Variants in GSE1 observed in about 807,000 individuals in gnomAD.
GSE1 encodes Gse1 coiled-coil protein, also known as genetic suppressor element 1.
GSE1 carries 32 observed loss-of-function variants against 112.6 expected under a neutral mutation model. The observed-to-expected ratio is 0.28, with a 90% CI of 0.21 to 0.38. The LOEUF (loss-of-function observed/expected upper bound fraction) is 0.38. Ranked by LOEUF, GSE1 falls within the 10% of genes least tolerant of loss-of-function variation. The probability of loss-of-function intolerance (pLI) is 1.00; values close to 1 mark genes in which losing one functional copy is unlikely to be tolerated. For missense variants in GSE1, 2,348 were observed against 1,699.2 expected (o/e 1.38, Z -6.71); for synonymous variants, 1,115 against 735.6 (o/e 1.52, Z -8.35).
chr16:85,601,999 G>A (rs2047487307), intron 1 of GSE1, among the ~76,000 whole-genome samples: 1 of 152,246 alleles, frequency 6.6e-6, no homozygotes, highest in African/African-American at 2.4e-5. Context: ...AGGCGGCGGG[G>A]AGGGAGAGGG....
At chr16:85,624,077 G>A (rs955941461) in intron 1 of GSE1, among the ~76,000 whole-genome samples, 6 of 152,176 alleles carry the variant, frequency 3.9e-5, no homozygotes, top group East Asian at 1.9e-4. Context: ...CCTGCATTTC[G>A]TGGGTCCTTG....
At chr16:85,585,372 T>C (rs1171514884) in intron 1 of GSE1, among the ~76,000 whole-genome samples, 2 of 152,140 alleles carry the variant, frequency 1.3e-5, no homozygotes, top group East Asian at 3.9e-4. Context: ...GGTTCTTCTG[T>C]ATGGCAGCCG....
intron 2 of GSE1, among the ~76,000 whole-genome samples, chr16:85,472,102 C>T (rs1433828283): frequency 6.6e-6 from 1 of 152,152 alleles, no homozygotes; most frequent in African/African-American, 2.4e-5. Flanking sequence ...AGACACCTGC[C>T]CAGACATTGC....
chr16:85,665,844 T>C (rs533998910), intron 12 of GSE1, 132 bp from the exon 13 acceptor site: 1 of 814,424 alleles, frequency 1.2e-6, no homozygotes, highest in East Asian at 2.5e-5. Context: ...GTTACTTAAA[T>C]GTTCCCCGGG....
intron 1 of GSE1, among the ~76,000 whole-genome samples, chr16:85,318,084 T>C (rs2046023440): frequency 2.0e-5 from 3 of 152,176 alleles, no homozygotes; most frequent in Admixed American, 1.3e-4. Context: ...CCCATGGTGG[T>C]GGGGCAGGGA....
chr16:85,235,428 C>CTGTGTGTGTGTGTGTGTGTGTGTGTGTG (rs60860144), intron 1 of GSE1, among the ~76,000 whole-genome samples: 1 of 126,318 alleles, frequency 7.9e-6, no homozygotes, highest in Non-Finnish European at 1.7e-5. Flanking sequence ...TGGAAGGGTA[C>CTGTGTGTGTGTGTGTGTGTGTGTGTGTG]TGTGTGTGTG....
intron 2 of GSE1, among the ~76,000 whole-genome samples, chr16:85,472,382 C>G (rs2050322564): frequency 6.6e-6 from 1 of 152,174 alleles, no homozygotes; most frequent in African/African-American, 2.4e-5. Context: ...TGGCTTCTGG[C>G]CACACTGCCG....
chr16:85,387,496 T>A (rs2047714105), intron 2 of GSE1, among the ~76,000 whole-genome samples: 1 of 152,240 alleles, frequency 6.6e-6, no homozygotes, highest in Non-Finnish European at 1.5e-5. Flanking sequence ...ACTGGCTTCT[T>A]CCCAGCCTTC....
chr16:85,179,445 T>A (rs2074536572), intron 1 of GSE1, among the ~76,000 whole-genome samples: 1 of 152,186 alleles, frequency 6.6e-6, no homozygotes, highest in Non-Finnish European at 1.5e-5. Flanking sequence ...CTCCTCTGAA[T>A]CATGCCACTG....
At chr16:85,625,842 G>A (rs982425488) in intron 1 of GSE1, among the ~76,000 whole-genome samples, 11 of 152,132 alleles carry the variant, frequency 7.2e-5, no homozygotes, top group Non-Finnish European at 1.3e-4. Context: ...GGAGGGCAGC[G>A]TCTGGGGGCT....
chr16:85,295,202 G>A, intron 1 of GSE1, among the ~76,000 whole-genome samples: 1 of 152,294 alleles, frequency 6.6e-6, no homozygotes, highest in South Asian at 2.1e-4. Context: ...GCTTCCCAGG[G>A]CCTCCGCACA....
intron 1 of GSE1, among the ~76,000 whole-genome samples, chr16:85,273,746 G>C (rs112745388): frequency 6.6e-6 from 1 of 152,150 alleles, no homozygotes; most frequent in Admixed American, 6.5e-5. Context: ...CTGGAGTGCA[G>C]TGGTGCGATC....
intron 1 of GSE1, among the ~76,000 whole-genome samples, chr16:85,212,305 C>G (rs192231551): frequency 1.3e-5 from 2 of 152,216 alleles, no homozygotes; most frequent in African/African-American, 4.8e-5. Context: ...ACTTGGGAAG[C>G]TGAGGCAGGA....
intron 1 of GSE1, among the ~76,000 whole-genome samples, chr16:85,237,995 A>T (rs544136765): frequency 6.6e-6 from 1 of 152,288 alleles, no homozygotes; most frequent in South Asian, 2.1e-4. Context: ...GAATGAATGA[A>T]TGAGTGAAGG....
intron 1 of GSE1, among the ~76,000 whole-genome samples, chr16:85,233,133 C>A (rs187472595): frequency 1.3e-5 from 2 of 152,406 alleles, no homozygotes; most frequent in African/African-American, 4.8e-5. Flanking sequence ...GCAGAGGCAG[C>A]TCCAGTCCTG....
exon 1 of GSE1, chr16:85,170,552 A>G (rs1433343958): frequency 2.0e-6 from 2 of 985,592 alleles, no homozygotes; most frequent in South Asian, 4.7e-5. Context: ...GGCGTCTGCA[A>G]CCCCAAAGAG....
chr16:85,385,906 G>T (rs370609796), intron 2 of GSE1, among the ~76,000 whole-genome samples: 66 of 152,196 alleles, frequency 4.3e-4, no homozygotes, highest in African/African-American at 1.6e-3. Context: ...GAACCTGGGT[G>T]TGGGCTAGAT....
chr16:85,498,706 G>T (rs76513736), intron 2 of GSE1, among the ~76,000 whole-genome samples: 5 of 152,226 alleles, frequency 3.3e-5, no homozygotes, highest in Admixed American at 6.5e-5. Context: ...GGCTGTGACC[G>T]CAGGGGAGAG....
At chr16:85,361,921 T>G (rs1236623646) in intron 2 of GSE1, among the ~76,000 whole-genome samples, 3 of 152,102 alleles carry the variant, frequency 2.0e-5, no homozygotes, top group Non-Finnish European at 4.4e-5. Flanking sequence ...ATAGGGCCAC[T>G]GCCGTGTCCA....
Sources: allele counts gnomAD v4.1 joint callset (sites outside exome capture counted in the v4.1 genomes callset), GRCh38; gene constraint gnomAD v4.1.1; transcripts MANE v1.5; gene names NCBI Gene and HGNC (gene_info 2026-07-23, HGNC 2026-07-21).